Variants in ASIC2 observed in about 807,000 individuals in gnomAD.
ASIC2 encodes the protein acid-sensing ion channel 2.
A neutral mutation model predicts 57.3 loss-of-function variants in ASIC2; 25 were observed. The ratio of observed to expected loss-of-function variants is 0.44; its 90% CI spans 0.32 to 0.61. The LOEUF is 0.61. Among genes scored for constraint, ASIC2 ranks in the 20% least tolerant of loss-of-function variants. The pLI is 0.06. For missense variants in ASIC2, 641 were observed against 738.1 expected (o/e 0.87, Z 1.52); for synonymous variants, 319 against 307.5 (o/e 1.04, Z -0.39).
Position 33,704,665 on chromosome 17 carries a change from T to C in ASIC2, c.555+451313A>G, listed in dbSNP as rs183983411. Among the ~76,000 whole-genome samples, 852 of 152,334 alleles carry C rather than the reference T, an allele frequency of 5.6e-3. 4 individuals carry two copies. The highest frequency in any genetic ancestry group is 0.014 in the Middle Eastern group (4 of 294). On this transcript the variant is annotated intron_variant, in intron 1 of 9. Transcript: ENST00000359872. Reference sequence around the variant, plus strand: ...CAACAAAACAAGGGGCAGAAGTTCATGGACCAAAGACTAGGATCAGGAGTC... The same window carrying C: ...CAACAAAACAAGGGGCAGAAGTTCACGGACCAAAGACTAGGATCAGGAGTC...
intron 1 of ASIC2, among the ~76,000 whole-genome samples, chr17:33,868,963 G>A (rs980854154): frequency 6.6e-6 from 1 of 152,182 alleles, no homozygotes; most frequent in Non-Finnish European, 1.5e-5. Context: ...TAACTGGGAG[G>A]CTGAGGTTGG....
intron 1 of ASIC2, chr17:34,037,943 G>C: frequency 6.2e-7 from 1 of 1,613,698 alleles, no homozygotes; most frequent in East Asian, 2.2e-5. Context: ...CACACCCACC[G>C]ACCACACATC....
chr17:33,441,123 C>T (rs1911808722), intron 1 of ASIC2, among the ~76,000 whole-genome samples: 1 of 152,068 alleles, frequency 6.6e-6, no homozygotes, highest in Non-Finnish European at 1.5e-5. Flanking sequence ...CATGTGCTAC[C>T]ATGCCTGGCT....
intron 1 of ASIC2, among the ~76,000 whole-genome samples, chr17:34,109,026 G>A (rs952887006): frequency 1.2e-4 from 9 of 72,868 alleles, no homozygotes; most frequent in Admixed American, 1.6e-4. Flanking sequence ...TTTTTTATTT[G>A]TTGATTTATT....
chr17:34,133,816 G>A (rs930264836), intron 1 of ASIC2, among the ~76,000 whole-genome samples: 1 of 152,194 alleles, frequency 6.6e-6, no homozygotes, highest in African/African-American at 2.4e-5. Flanking sequence ...CTCAACTGAG[G>A]ACAGTTTTGC....
At chr17:33,506,166 G>A (rs958589024) in intron 1 of ASIC2, among the ~76,000 whole-genome samples, 36 of 150,866 alleles carry the variant, frequency 2.4e-4, no homozygotes, top group Admixed American at 1.3e-3. Context: ...AGGCCGAGGC[G>A]GGCAGATCAC....
At chr17:33,819,861 G>A (rs913855800) in intron 1 of ASIC2, among the ~76,000 whole-genome samples, 9 of 152,186 alleles carry the variant, frequency 5.9e-5, no homozygotes, top group Non-Finnish European at 1.2e-4. Flanking sequence ...TCTTAATTCG[G>A]TTCTGCAGAA....
chr17:33,356,875 A>G, intron 1 of ASIC2, among the ~76,000 whole-genome samples: 1 of 152,062 alleles, frequency 6.6e-6, no homozygotes, highest in Admixed American at 6.5e-5. Context: ...CTGCTGCTGC[A>G]TGAAGACTGT....
At chr17:33,325,344 C>G (rs1428918428) in intron 1 of ASIC2, among the ~76,000 whole-genome samples, 1 of 152,138 alleles carries the variant, frequency 6.6e-6, no homozygotes, top group African/African-American at 2.4e-5. Context: ...GAGGAGACAA[C>G]TTTAAAGATG....
chr17:33,209,892 C>A (rs1597631080), intron 1 of ASIC2, among the ~76,000 whole-genome samples: 1 of 152,222 alleles, frequency 6.6e-6, no homozygotes. Context: ...AGTCACAGCT[C>A]TGGTGTAATT....
At chr17:33,967,866 T>A (rs576313240) in intron 1 of ASIC2, among the ~76,000 whole-genome samples, 1 of 152,334 alleles carries the variant, frequency 6.6e-6, no homozygotes, top group South Asian at 2.1e-4. Flanking sequence ...CAGAAGGCTG[T>A]GCTCCCATGC....
chr17:33,017,572 G>A lies in ASIC2; in HGVS notation c.1521+33C>T, dbSNP rs376598391. 4.9e-5 allele frequency: 77 copies of A among 1,578,226 alleles called. No homozygotes were observed. The African/African-American group carries it at 9.2e-4, about 19-fold the overall frequency. ...GGGCACGATGAGGGCACCAGCATGC[G>A]GTCATTTCCCTGTGGGGAATCCCAA... On this transcript the variant is annotated intron_variant, in intron 8 of 9. Transcript: ENST00000225823.
chr17:34,095,684 T>C (rs867986699), intron 1 of ASIC2, among the ~76,000 whole-genome samples: 2 of 138,290 alleles, frequency 1.4e-5, no homozygotes, highest in South Asian at 4.3e-4. Context: ...GAGAGAGATA[T>C]ATATAATTTT....
At chr17:33,834,246 G>A (rs768933268) in intron 1 of ASIC2, 1 of 152,276 alleles carries the variant, frequency 6.6e-6, no homozygotes, top group Non-Finnish European at 1.5e-5. Context: ...CACTCATCTA[G>A]GTAGGGGGAA....
chr17:33,568,497 T>A (rs1470687853), intron 1 of ASIC2, among the ~76,000 whole-genome samples: 1 of 152,178 alleles, frequency 6.6e-6, no homozygotes, highest in Non-Finnish European at 1.5e-5. Context: ...GCCTGGTGTG[T>A]TCTTGTCCCT....
chr17:33,971,094 A>T (rs1348004264), intron 1 of ASIC2, among the ~76,000 whole-genome samples: 1 of 152,166 alleles, frequency 6.6e-6, no homozygotes, highest in Non-Finnish European at 1.5e-5. Flanking sequence ...TGCAATGCGC[A>T]CACCACTCAA....
chr17:33,397,160 G>A (rs1910108116), intron 1 of ASIC2, among the ~76,000 whole-genome samples: 1 of 152,188 alleles, frequency 6.6e-6, no homozygotes, highest in Non-Finnish European at 1.5e-5. Context: ...CACAATTACA[G>A]TGCAAGGTGG....
At chr17:33,456,414 C>A (rs1415409488) in intron 1 of ASIC2, among the ~76,000 whole-genome samples, 1 of 152,166 alleles carries the variant, frequency 6.6e-6, no homozygotes, top group East Asian at 1.9e-4. Flanking sequence ...ATCCCCATCC[C>A]CCCTTCAGTC....
At chr17:33,814,863 C>G (rs1215146944) in intron 1 of ASIC2, among the ~76,000 whole-genome samples, 2 of 152,116 alleles carry the variant, frequency 1.3e-5, no homozygotes, top group South Asian at 2.1e-4. Flanking sequence ...GTACTGAGTT[C>G]CTGGATAGTG....
Sources: allele counts gnomAD v4.1 joint callset (sites outside exome capture counted in the v4.1 genomes callset), GRCh38; gene constraint gnomAD v4.1.1; transcripts MANE v1.5; gene names NCBI Gene and HGNC (gene_info 2026-07-23, HGNC 2026-07-21).